FOXP2: variants seen among roughly 807,000 people sequenced by gnomAD.
FOXP2 encodes the protein forkhead box P2.
In FOXP2, 12 loss-of-function variants were observed where a neutral mutation model predicts 115.8. The observed-to-expected ratio is 0.10, with a 90% CI of 0.07 to 0.17. FOXP2 has a LOEUF of 0.17. FOXP2 is among the 10% of genes least tolerant of loss of function. The probability of loss-of-function intolerance (pLI) is 1.00; values close to 1 mark genes in which losing one functional copy is unlikely to be tolerated. For missense variants in FOXP2, 629 were observed against 843.5 expected (o/e 0.75, Z 3.15); for synonymous variants, 328 against 297.7 (o/e 1.10, Z -1.05).
In FOXP2 at chr7:114,581,189, A is replaced by G. The variant is rs537993980; in HGVS notation, c.258+46483A>G. Among the ~76,000 whole-genome samples, 54 of 146,448 alleles carry G rather than the reference A, an allele frequency of 3.7e-4. No homozygotes were observed. The South Asian group carries it at 7.7e-3, about 21-fold the overall frequency. On this transcript the variant is annotated intron_variant, in intron 3 of 16. Transcript: ENST00000350908. The stretch of plus-strand genomic sequence containing the variant: ...TATTTATTTATTTATTTATTTATTT[A>G]TTTATTTATTTTGAGATGCAGTCTG...
chr7:114,423,280 T>C (rs1793696392), intron 1 of FOXP2, among the ~76,000 whole-genome samples: 1 of 151,614 alleles, frequency 6.6e-6, no homozygotes, highest in Admixed American at 6.6e-5. Flanking sequence ...GAAGAGAAAA[T>C]GCAATCTTGT....
Position 114,523,655 on chromosome 7 carries a change from TTTCCTCTGCTTTTC to T in FOXP2, c.169-10944_169-10931del, listed in dbSNP as rs778642566. Among the ~76,000 whole-genome samples, 24 of 152,306 alleles carry T rather than the reference TTTCCTCTGCTTTTC, an allele frequency of 1.6e-4. 1 individual carries two copies. The highest frequency in any genetic ancestry group is 5.2e-4 in the Admixed American group (8 of 15,282). The stretch of plus-strand genomic sequence containing the variant: ...AAGCTAGAATGTGAACTCTGAAACT[TTTCCTCTGCTTTTC>T]TTCCTCTGCTTTTCTTCGACTGTCT... On this transcript the variant is annotated intron_variant, in intron 2 of 16. Transcript: ENST00000350908.
rs1804816872 is a variant in FOXP2 at position 114,630,031 on chromosome 7, C to T, written c.597+26C>T. On this transcript the variant is annotated intron_variant, in intron 5 of 16. Coordinates refer to ENST00000350908, the MANE Select transcript of FOXP2 (RefSeq NM_014491.4). The stretch of plus-strand genomic sequence containing the variant: ...GTAGGATCCGGTTATCTCATTGATA[C>T]ATAACAGTTTGCAGTTAAGAAGGGG... The T allele has an allele frequency of 3.1e-6, 5 of 1,603,918 alleles. No homozygotes were observed. The African/African-American group carries it at 4.1e-5, about 13-fold the overall frequency.
intron 10 of FOXP2, among the ~76,000 whole-genome samples, chr7:114,654,981 T>C (rs1806491442): frequency 6.6e-6 from 1 of 152,158 alleles, no homozygotes; most frequent in African/African-American, 2.4e-5. Flanking sequence ...ATTTAAACTC[T>C]GCTAAGCTAT....
At chr7:114,526,171 T>TGAAA (rs1798847720) in intron 2 of FOXP2, among the ~76,000 whole-genome samples, 1 of 17,534 alleles carries the variant, frequency 5.7e-5, no homozygotes, top group Non-Finnish European at 9.2e-5. Context: ...TGTTTCTTTA[T>TGAAA]TAAAAAAAAA....
intron 3 of FOXP2, among the ~76,000 whole-genome samples, chr7:114,561,721 G>T (rs1249679384): frequency 6.6e-6 from 1 of 152,096 alleles, no homozygotes; most frequent in Non-Finnish European, 1.5e-5. Context: ...AAACATTCAT[G>T]AATCGATTCC....
chr7:114,139,221 A>G (rs1403370274), intron 1 of FOXP2, among the ~76,000 whole-genome samples: 2 of 152,104 alleles, frequency 1.3e-5, no homozygotes, highest in Non-Finnish European at 2.9e-5. Context: ...GTTAGAGCGG[A>G]AAAAAATGAA....
At chr7:114,583,667 CCG>C (rs1239831015) in intron 3 of FOXP2, among the ~76,000 whole-genome samples, 4 of 152,172 alleles carry the variant, frequency 2.6e-5, no homozygotes, top group African/African-American at 9.6e-5. Flanking sequence ...TGTCTGTTCA[CCG>C]ATGATATTTC....
chr7:114,089,820 A>C (rs1799507632), intron 1 of FOXP2, among the ~76,000 whole-genome samples: 1 of 152,024 alleles, frequency 6.6e-6, no homozygotes, highest in African/African-American at 2.4e-5. Flanking sequence ...TTTCAAACAC[A>C]CAAAACAAGT....
chr7:114,467,682 C>T (rs1413398519), intron 2 of FOXP2, among the ~76,000 whole-genome samples: 1 of 152,042 alleles, frequency 6.6e-6, no homozygotes, highest in Non-Finnish European at 1.5e-5. Flanking sequence ...ACTTTGGGGT[C>T]TGAGGAGGAT....
chr7:114,487,281 T>C (rs1004652250), intron 2 of FOXP2, among the ~76,000 whole-genome samples: 1 of 152,194 alleles, frequency 6.6e-6, no homozygotes, highest in Non-Finnish European at 1.5e-5. Context: ...CAGCATGAGC[T>C]GTACCTTGAC....
chr7:114,421,117 C>T (rs1793599770), intron 1 of FOXP2, among the ~76,000 whole-genome samples: 1 of 151,624 alleles, frequency 6.6e-6, no homozygotes, highest in African/African-American at 2.4e-5. Flanking sequence ...CAGTAAAATA[C>T]ATCTACATGG....
At chr7:114,523,171 G>A (rs964838797) in intron 2 of FOXP2, among the ~76,000 whole-genome samples, 1 of 152,060 alleles carries the variant, frequency 6.6e-6, no homozygotes, top group Non-Finnish European at 1.5e-5. Flanking sequence ...TGTAAACTGG[G>A]AAGAAGGAAT....
intron 2 of FOXP2, chr7:114,463,010 T>C: frequency 4.9e-6 from 2 of 411,952 alleles, no homozygotes; most frequent in South Asian, 3.6e-5. Context: ...GTATATGCAT[T>C]GTTGTATTTT....
At chr7:114,534,592 G>C in intron 2 of FOXP2, 25 bp from the exon 3 acceptor site, 1 of 1,593,898 alleles carries the variant, frequency 6.3e-7, no homozygotes. Context: ...AAAATATTTA[G>C]ATAAGGTTTC....
chr7:114,364,984 A>G (rs1360881738), intron 2 of FOXP2, among the ~76,000 whole-genome samples: 1 of 152,176 alleles, frequency 6.6e-6, no homozygotes, highest in African/African-American at 2.4e-5. Context: ...AGGGTGCTTA[A>G]TAATGTTGAG....
At chr7:114,538,270 T>C (rs1799493283) in intron 3 of FOXP2, 2 of 1,169,256 alleles carry the variant, frequency 1.7e-6, no homozygotes. Context: ...ACAAATCTAC[T>C]TAATTTAGTT....
At chr7:114,187,200 T>G (rs1156450239) in intron 1 of FOXP2, among the ~76,000 whole-genome samples, 3 of 152,210 alleles carry the variant, frequency 2.0e-5, no homozygotes, top group African/African-American at 7.2e-5. Context: ...TTTCCACATC[T>G]TTGTGTTCTT....
upstream of FOXP2, among the ~76,000 whole-genome samples, chr7:114,412,713 C>A (rs1441734856): frequency 6.6e-6 from 1 of 152,166 alleles, no homozygotes; most frequent in African/African-American, 2.4e-5. Context: ...CTGTTGCCTA[C>A]AGAGATGGGC....
Sources: allele counts gnomAD v4.1 joint callset (sites outside exome capture counted in the v4.1 genomes callset), GRCh38; gene constraint gnomAD v4.1.1; transcripts MANE v1.5; gene names NCBI Gene and HGNC (gene_info 2026-07-23, HGNC 2026-07-21).